Variants in ITPKB observed in about 807,000 individuals in gnomAD.
ITPKB encodes the protein IP3 3-kinase B.
In ITPKB, 13 loss-of-function variants were observed where a neutral mutation model predicts 69.4. The observed-to-expected ratio is 0.19, with a 90% CI of 0.12 to 0.30. ITPKB has a LOEUF of 0.30. ITPKB is among the 10% of genes least tolerant of loss of function. The probability of loss-of-function intolerance (pLI) is 1.00; values close to 1 mark genes in which losing one functional copy is unlikely to be tolerated. For missense variants in ITPKB, 1,240 were observed against 1,250.5 expected, an observed-to-expected ratio of 0.99 and a Z score of 0.13; for synonymous variants, 584 against 513.7, an observed-to-expected ratio of 1.14 and a Z score of -1.85.
At chr1:226,713,986 G>GTC (rs1657035973) in intron 2 of ITPKB, among the ~76,000 whole-genome samples, 1 of 152,074 alleles carries the variant, frequency 6.6e-6, no homozygotes, top group African/African-American at 2.4e-5. Flanking sequence ...AATCTTGACC[G>GTC]TCTATGGCAA....
intron 2 of ITPKB, among the ~76,000 whole-genome samples, chr1:226,654,754 C>T (rs1436135669): frequency 2.0e-5 from 3 of 152,208 alleles, no homozygotes; most frequent in South Asian, 2.1e-4. Flanking sequence ...CCATCCTCCC[C>T]GGGTCCTTCC....
intron 2 of ITPKB, among the ~76,000 whole-genome samples, chr1:226,723,091 C>T (rs528832127): frequency 2.6e-4 from 39 of 152,306 alleles, no homozygotes; most frequent in Admixed American, 2.2e-3. Flanking sequence ...TGTAGCCATC[C>T]AGCCCGGATC....
At position 226,661,916 on chromosome 1, in the gene ITPKB, A is replaced by G. The variant is rs142797510; in HGVS notation, c.1933-13145T>C. On this transcript the variant is annotated intron_variant, in intron 2 of 7. Coordinates refer to ENST00000429204, the MANE Select transcript of ITPKB (RefSeq NM_002221.4). ...CCTTGAATCCCACCTTTCCACAAGG[A>G]AAGGGCAGAAGGTGTAGGCCACAGC... Among the ~76,000 whole-genome samples, 15 of 152,326 alleles carry G rather than the reference A, an allele frequency of 9.8e-5. No individual in the cohort carries two copies. The East Asian group carries it at 1.5e-3, about 16-fold the overall frequency.
At chr1:226,662,806 A>C (rs2102758596) in intron 2 of ITPKB, among the ~76,000 whole-genome samples, 1 of 152,378 alleles carries the variant, frequency 6.6e-6, no homozygotes, top group African/African-American at 2.4e-5. Context: ...CCTGTGGCTA[A>C]ATGGCACTCA....
Position 226,737,223 on chromosome 1 carries a change from C to G in ITPKB, c.236G>C (p.Arg79Pro). 3 of 1,565,998 alleles carry G rather than the reference C, an allele frequency of 1.9e-6. No homozygotes were observed. The highest frequency in any genetic ancestry group is 1.7e-6 in the Non-Finnish European group (2 of 1,163,378). ...GCCGCTGCTACTATTCAGCCTGCGC[C>G]GGCCGCTCCGCCAGCCCCCGGGGCT... Reference protein sequence around the residue: ...PRSPGGWRSGRRRLNSSSGSG... With the variant: ...PRSPGGWRSGPRRLNSSSGSG... The change falls in exon 2 of 8, where the codon CGG becomes CCG. Residue 79 changes from arginine to proline, a missense_variant. This residue lies in a region of ITPKB where 992 missense variants were observed against 853.8 expected (regional missense o/e 1.16). Transcript: ENST00000429204.
At chr1:226,650,371 G>A (rs927929225) in intron 2 of ITPKB, among the ~76,000 whole-genome samples, 1 of 152,172 alleles carries the variant, frequency 6.6e-6, no homozygotes, top group African/African-American at 2.4e-5. Flanking sequence ...AGAGGGCAGC[G>A]CCCCATGAGG....
At chr1:226,732,831 T>C (rs1433111732) in intron 2 of ITPKB, among the ~76,000 whole-genome samples, 3 of 152,190 alleles carry the variant, frequency 2.0e-5, no homozygotes, top group East Asian at 1.9e-4. Flanking sequence ...ATTTCAGCCA[T>C]TGCACACTGG....
At chr1:226,663,388 T>C (rs1669437439) in intron 2 of ITPKB, among the ~76,000 whole-genome samples, 1 of 152,106 alleles carries the variant, frequency 6.6e-6, no homozygotes, top group South Asian at 2.1e-4. Context: ...CCCAAACTCC[T>C]ACCCTGGAAG....
chr1:226,643,897 C>T (rs558392801), intron 4 of ITPKB, among the ~76,000 whole-genome samples: 9 of 152,210 alleles, frequency 5.9e-5, no homozygotes, highest in African/African-American at 9.7e-5. Flanking sequence ...ATGCAGGACA[C>T]GCACAGAGCA....
chr1:226,708,473 C>T (rs1656864685), intron 2 of ITPKB, among the ~76,000 whole-genome samples: 1 of 152,174 alleles, frequency 6.6e-6, no homozygotes, highest in Non-Finnish European at 1.5e-5. Context: ...ACGAGTAACT[C>T]GAGACATTCT....
At chr1:226,643,320 C>G (rs909061556) in intron 4 of ITPKB, among the ~76,000 whole-genome samples, 3 of 152,234 alleles carry the variant, frequency 2.0e-5, no homozygotes, top group East Asian at 1.9e-4. Context: ...ATCCCACCCC[C>G]GCTCCTCTGC....
rs1396332970 is a variant in ITPKB, at chr1:226,637,549, G to A, written c.2625+130C>T. 4.2e-6 allele frequency: 3 copies of A among 717,262 alleles called. No individual in the cohort carries two copies. The highest frequency in any genetic ancestry group is 1.7e-5 in the African/African-American group (1 of 57,258). The allele number at this position is 717,262 out of a possible 1,614,324, so 44.4% of individuals were successfully genotyped here. A position where few individuals can be genotyped will look rare whatever the true frequency, so the allele number is the denominator to read the frequency against. On this transcript the variant is annotated intron_variant, in intron 7 of 7. Coordinates refer to ENST00000429204, the MANE Select transcript of ITPKB (RefSeq NM_002221.4). This position sits in a 1 kb window ranked among gnomAD's most constrained non-coding sequence, Gnocchi z 4.3. ...AGCTCCCCCGTGCAGCGAGGGTCTG[G>A]TCCCTGATGGCCTGCCTCTGGCTGC...
intron 2 of ITPKB, among the ~76,000 whole-genome samples, chr1:226,711,408 AGAG>A (rs749067407): frequency 0.071 from 5,332 of 74,934 alleles, 146 homozygotes; most frequent in Non-Finnish European, 0.097. Context: ...GTTTTGAAAG[AGAG>A]AGAGAGAGAG....
At chr1:226,639,533 C>A in intron 6 of ITPKB, 24 bp downstream of exon 6, 1 of 1,476,698 alleles carries the variant, frequency 6.8e-7, no homozygotes, top group Non-Finnish European at 9.5e-7. Flanking sequence ...CTGGAGAGAC[C>A]CTCTCTGGAG....
rs769832944 is a variant in ITPKB at position 226,634,417 on chromosome 1, C to T, written c.*254G>A. The stretch of plus-strand genomic sequence containing the variant: ...GCCAGGGACCCCCTCCAGCTCTACA[C>T]CTGACCCACCTCTAAGACTGGGCAT... On this transcript the variant is annotated 3_prime_UTR_variant, in exon 8 of 8. Transcript: ENST00000429204. This position sits in a 1 kb window ranked among gnomAD's most constrained non-coding sequence, Gnocchi z 6.3. The T allele has an allele frequency of 2.0e-5, 10 of 498,874 alleles. No individual in the cohort carries two copies. Among genetic ancestry groups the T allele is most frequent in the East Asian group, 3.6e-5 (1 of 27,832 alleles). 30.9% of individuals were successfully genotyped at this position (498,874 alleles called of 1,614,324 possible).
intron 2 of ITPKB, among the ~76,000 whole-genome samples, chr1:226,721,712 C>T (rs1657248233): frequency 6.6e-6 from 1 of 151,932 alleles, no homozygotes; most frequent in Non-Finnish European, 1.5e-5. Flanking sequence ...TCAGGGTGGT[C>T]TGGAACTCCT....
At chr1:226,703,441 C>G (rs943148398) in intron 2 of ITPKB, among the ~76,000 whole-genome samples, 1 of 152,200 alleles carries the variant, frequency 6.6e-6, no homozygotes, top group Non-Finnish European at 1.5e-5. Flanking sequence ...GGCGGTGAAG[C>G]AGGGCCTGCT....
chr1:226,727,918 G>A (rs1406442152), intron 2 of ITPKB, among the ~76,000 whole-genome samples: 2 of 152,182 alleles, frequency 1.3e-5, no homozygotes, highest in African/African-American at 4.8e-5. Flanking sequence ...TTGAGATGCT[G>A]TATCATTTCA....
chr1:226,646,612 C>T (rs770594166), intron 4 of ITPKB, among the ~76,000 whole-genome samples: 38 of 152,264 alleles, frequency 2.5e-4, no homozygotes, highest in Admixed American at 9.8e-4. Context: ...TGGGGCCCTG[C>T]GGTGACCTGC....
Sources: allele counts gnomAD v4.1 joint callset (sites outside exome capture counted in the v4.1 genomes callset), GRCh38; gene constraint gnomAD v4.1.1; regional missense constraint gnomAD v4.1.1; non-coding constraint Gnocchi (gnomAD v3.1); transcripts MANE v1.5; gene names NCBI Gene and HGNC (gene_info 2026-07-23, HGNC 2026-07-21).